The following SLC2A2 variants were observed in gnomAD, a reference collection of about 807,000 sequenced individuals.
SLC2A2 encodes solute carrier family 2 member 2.
In SLC2A2, 36 loss-of-function variants were observed where a neutral mutation model predicts 54.5. The ratio of observed to expected loss-of-function variants is 0.66; its 90% CI spans 0.51 to 0.87. SLC2A2 has a LOEUF of 0.87. Among genes scored for constraint, SLC2A2 ranks in the 40% least tolerant of loss-of-function variants. The pLI is 0.00. For missense variants in SLC2A2, 543 were observed against 624.3 expected, an observed-to-expected ratio of 0.87 and a Z score of 1.39; for synonymous variants, 223 against 219.1, an observed-to-expected ratio of 1.02 and a Z score of -0.16.
rs867530965 is a variant in SLC2A2 at position 171,026,655 on chromosome 3, C to A, written c.15+1G>T. ...TTGAAATGAATATAATGCTGCTTTA[C>A]CTTATCTTCTGTCATTGTACTAGTT... On this transcript the variant is annotated splice_donor_variant, in intron 1 of 10. Transcript: ENST00000314251. LOFTEE classifies it high-confidence loss of function. 6.2e-7 allele frequency: 1 copy of A among 1,612,800 alleles called. No individual in the cohort carries two copies. The highest frequency in any genetic ancestry group is 1.3e-5 in the African/African-American group (1 of 74,902).
chr3:171,017,714 C>T (rs1716216257), intron 2 of SLC2A2, among the ~76,000 whole-genome samples: 1 of 152,174 alleles, frequency 6.6e-6, no homozygotes, highest in Non-Finnish European at 1.5e-5. Flanking sequence ...CCCTCAATGA[C>T]CTCACAGTCT....
chr3:171,002,695 C>T lies in SLC2A2; in HGVS notation c.964-15G>A, dbSNP rs752921861. 22 of 1,460,210 alleles carry T rather than the reference C, an allele frequency of 1.5e-5. No individual in the cohort carries two copies. Among genetic ancestry groups the T allele is most frequent in the Non-Finnish European group, 1.1e-5 (11 of 1,046,412 alleles). 90.5% of individuals were successfully genotyped at this position (1,460,210 alleles called of 1,614,324 possible). A position where few individuals can be genotyped will look rare whatever the true frequency, so the allele number is the denominator to read the frequency against. On this transcript the variant is annotated splice_polypyrimidine_tract_variant and intron_variant, in intron 7 of 10. Coordinates refer to ENST00000314251, the MANE Select transcript of SLC2A2 (RefSeq NM_000340.2). ...TAGTAAAAAATCTGCAAAGTAAAAA[C>T]AGGTTAGCCTTAATCTTAAGAAGTC...
intron 3 of SLC2A2, among the ~76,000 whole-genome samples, chr3:171,012,260 A>G (rs1715921199): frequency 6.6e-6 from 1 of 152,168 alleles, no homozygotes; most frequent in Admixed American, 6.6e-5. Context: ...TTGTTTTCAC[A>G]TTGCAGATGG....
In SLC2A2 at chr3:171,014,556, A is replaced by C. The variant is rs1415169647; in HGVS notation, c.284T>G (p.Met95Arg). 6.2e-7 allele frequency: 1 copy of C among 1,614,064 alleles called. No homozygotes were observed. The highest frequency in any genetic ancestry group is 2.2e-5 in the East Asian group (1 of 44,900). The change falls in exon 3 of 11, where the codon ATG (methionine) becomes AGG (arginine). Residue 95 changes from methionine (M) to arginine (R), a missense_variant. Physicochemically the swap from Met to Arg is moderately conservative, Grantham distance 91. Coordinates refer to ENST00000314251, the MANE Select transcript of SLC2A2 (RefSeq NM_000340.2). The part of the protein sequence containing the change: ...ETVAAAQLIT[M>R]LWSLSVSSFA... Reference sequence around the variant, plus strand: ...GCTGGATACAGACAGGGACCAGAGCATGGTGATTAGTTGAGCAGCTGCCAC... The same window carrying C: ...GCTGGATACAGACAGGGACCAGAGCCTGGTGATTAGTTGAGCAGCTGCCAC...
intron 4 of SLC2A2, 81 bp from the exon 5 acceptor site, chr3:171,007,344 A>C: frequency 1.2e-6 from 1 of 813,416 alleles, no homozygotes; most frequent in Non-Finnish European, 2.1e-6. Context: ...TACAGTATAT[A>C]TCTTGAATGA....
intron 2 of SLC2A2, among the ~76,000 whole-genome samples, chr3:171,017,889 T>C (rs114469092): frequency 0.011 from 1,623 of 152,154 alleles, 25 homozygotes; most frequent in African/African-American, 0.028. Flanking sequence ...ACCCAAGGAG[T>C]CATCGTGGAG....
intron 1 of SLC2A2, among the ~76,000 whole-genome samples, chr3:171,019,155 A>C (rs1716334915): frequency 3.2e-5 from 3 of 93,590 alleles, no homozygotes; most frequent in African/African-American, 1.5e-4. Flanking sequence ...ATATATATAT[A>C]CGTATGTATA....
intron 2 of SLC2A2, among the ~76,000 whole-genome samples, chr3:171,017,090 G>C (rs1716189025): frequency 6.6e-6 from 1 of 152,066 alleles, no homozygotes; most frequent in Non-Finnish European, 1.5e-5. Context: ...GACCTCAGGT[G>C]ATCCGCCAAC....
Position 171,005,488 on chromosome 3 carries a change from A to G in SLC2A2, c.776-16T>C, listed in dbSNP as rs1560034986. ...CTTTTCAAGCCTGTCCAAGAAAATGATCAGGTTGAAACAACTCAGGCCAAA... is the reference window on the plus strand; with the variant it reads ...CTTTTCAAGCCTGTCCAAGAAAATGGTCAGGTTGAAACAACTCAGGCCAAA... On this transcript the variant is annotated splice_polypyrimidine_tract_variant and intron_variant, in intron 6 of 10. Coordinates refer to ENST00000314251, the MANE Select transcript of SLC2A2 (RefSeq NM_000340.2). The G allele has an allele frequency of 6.2e-7, 1 of 1,606,852 alleles. No individual in the cohort carries two copies. The highest frequency in any genetic ancestry group is 8.5e-7 in the Non-Finnish European group (1 of 1,174,828).
At position 171,024,937 on chromosome 3, in the gene SLC2A2, G is replaced by A. The variant is rs562730194; in HGVS notation, c.15+1719C>T. On this transcript the variant is annotated intron_variant, in intron 1 of 10. Transcript: ENST00000314251. ...AAAGATCTACAACGTAATTTCAAAA[G>A]CCCCTAAGAAAATTAATGATAGTTT... Among the ~76,000 whole-genome samples the A allele has an allele frequency of 3.3e-5, 5 of 152,246 alleles. No homozygotes were observed. In the East Asian group the frequency reaches 9.6e-4, roughly 29 times the overall value.
rs1314188489 is a variant in SLC2A2, at chr3:171,005,796, G to A, written c.775+147C>T. 6 of 787,776 alleles carry A rather than the reference G, an allele frequency of 7.6e-6. No individual in the cohort carries two copies. In the African/African-American group the frequency reaches 1.0e-4, roughly 14 times the overall value. The allele number at this position is 787,776 out of a possible 1,614,324, so 48.8% of individuals were successfully genotyped here. Reference sequence around the variant, plus strand: ...TTTCGGCTTAAGTGAATGCCTATGGGTGCCAAATGACATGCACCAGTCATA... The same window carrying A: ...TTTCGGCTTAAGTGAATGCCTATGGATGCCAAATGACATGCACCAGTCATA... On this transcript the variant is annotated intron_variant, in intron 6 of 10. Transcript: ENST00000314251.
intron 2 of SLC2A2, among the ~76,000 whole-genome samples, chr3:171,017,776 G>A (rs1716220097): frequency 1.3e-5 from 2 of 152,146 alleles, no homozygotes; most frequent in African/African-American, 2.4e-5. Flanking sequence ...ATGGGCTGTG[G>A]GAGCTGAGAA....
chr3:171,022,551 G>A (rs1017114434), intron 1 of SLC2A2, among the ~76,000 whole-genome samples: 1 of 152,094 alleles, frequency 6.6e-6, no homozygotes, highest in Admixed American at 6.5e-5. Flanking sequence ...GGAACCTCAG[G>A]GTCTTCCCAC....
chr3:171,003,229 T>C (rs1715420622), intron 7 of SLC2A2, among the ~76,000 whole-genome samples: 1 of 152,016 alleles, frequency 6.6e-6, no homozygotes, highest in South Asian at 2.1e-4. Context: ...ACATTACCTT[T>C]GTGAGAATCA....
At chr3:171,013,130 T>A (rs1715967022) in intron 3 of SLC2A2, among the ~76,000 whole-genome samples, 1 of 152,190 alleles carries the variant, frequency 6.6e-6, no homozygotes, top group Admixed American at 6.5e-5. Flanking sequence ...CGTAATTTAA[T>A]TTTGCTTAAT....
At chr3:171,018,469 A>T in intron 2 of SLC2A2, 62 bp downstream of exon 2, 1 of 1,120,592 alleles carries the variant, frequency 8.9e-7, no homozygotes, top group Non-Finnish European at 1.4e-6. Context: ...TGTATGAGGA[A>T]CATATGATAT....
chr3:171,015,342 T>C (rs1004360164), intron 2 of SLC2A2, among the ~76,000 whole-genome samples: 1 of 152,022 alleles, frequency 6.6e-6, no homozygotes, highest in African/African-American at 2.4e-5. Flanking sequence ...TGGTGGCACA[T>C]GCCTGTAGTC....
intron 1 of SLC2A2, among the ~76,000 whole-genome samples, chr3:171,019,341 CT>C (rs1417940667): frequency 6.6e-6 from 1 of 151,766 alleles, no homozygotes; most frequent in Non-Finnish European, 1.5e-5. Context: ...ATTAGCTAGC[CT>C]TTATCATGTT....
intron 1 of SLC2A2, among the ~76,000 whole-genome samples, chr3:171,019,711 A>C (rs1716363178): frequency 6.6e-6 from 1 of 152,234 alleles, no homozygotes; most frequent in Admixed American, 6.5e-5. Flanking sequence ...AAAAGGAATA[A>C]TATGATCATG....
Sources: gnomAD v4.1 joint callset for allele counts (sites outside exome capture counted in the v4.1 genomes callset) on GRCh38, gnomAD v4.1.1 for gene constraint, MANE v1.5 for transcripts, NCBI Gene and HGNC (gene_info 2026-07-23, HGNC 2026-07-21) for gene names.